TBC1D1: variants seen among roughly 807,000 people sequenced by gnomAD.
The protein encoded by TBC1D1 is TBC1 (tre-2/USP6, BUB2, cdc16) domain family, member 1.
A neutral mutation model predicts 125.6 loss-of-function variants in TBC1D1; 89 were observed. That is an observed-to-expected ratio of 0.71 (90% CI 0.60 to 0.85). The LOEUF is 0.85. Ranked by LOEUF, TBC1D1 falls within the 40% of genes least tolerant of loss-of-function variation. The pLI, the probability that TBC1D1 is intolerant of heterozygous loss-of-function variation, is 0.00. For synonymous variants in TBC1D1, 565 were observed against 564.1 expected, an observed-to-expected ratio of 1.00 and a Z score of -0.02; for missense variants, 1,377 against 1,469.2, an observed-to-expected ratio of 0.94 and a Z score of 1.03.
At chr4:37,962,776 A>G (rs2152334247) in intron 2 of TBC1D1, among the ~76,000 whole-genome samples, 1 of 152,320 alleles carries the variant, frequency 6.6e-6, no homozygotes, top group Non-Finnish European at 1.5e-5. Context: ...TACTATAAGG[A>G]TAATAAGAAG....
At chr4:38,110,380 A>G in intron 15 of TBC1D1, 1 of 985,358 alleles carries the variant, frequency 1.0e-6, no homozygotes, top group Non-Finnish European at 1.2e-6. Flanking sequence ...GATGATCCTA[A>G]TAGGATTCCT....
chr4:37,975,473 G>T (rs150209261), intron 2 of TBC1D1, among the ~76,000 whole-genome samples: 2,356 of 152,242 alleles, frequency 0.015, 66 homozygotes, highest in African/African-American at 0.053. Context: ...TCCACAAGAG[G>T]TGGAGTAGTA....
At chr4:37,902,560 T>G in intron 2 of TBC1D1, 48 bp downstream of exon 2, 1 of 1,437,846 alleles carries the variant, frequency 7.0e-7, no homozygotes, top group Non-Finnish European at 9.4e-7. Context: ...TGGCTGGTTT[T>G]TATTGTATGG....
chr4:38,064,912 A>C (rs904035199), intron 12 of TBC1D1, among the ~76,000 whole-genome samples: 2 of 148,636 alleles, frequency 1.3e-5, no homozygotes, highest in Admixed American at 6.7e-5. Flanking sequence ...GGCGTGAGCC[A>C]CCATGCCCAG....
chr4:38,095,100 G>A (rs1048540131), intron 13 of TBC1D1, among the ~76,000 whole-genome samples: 2 of 152,090 alleles, frequency 1.3e-5, no homozygotes, highest in Admixed American at 6.6e-5. Context: ...AACAGAGTAC[G>A]AGGGAAAAGA....
intron 2 of TBC1D1, among the ~76,000 whole-genome samples, chr4:37,905,346 T>C (rs1227817423): frequency 6.6e-6 from 1 of 152,258 alleles, no homozygotes; most frequent in African/African-American, 2.4e-5. Context: ...TCTAAAGAAC[T>C]GAGGGTCCTG....
intron 2 of TBC1D1, among the ~76,000 whole-genome samples, chr4:37,928,929 C>G (rs575073347): frequency 6.6e-6 from 1 of 152,282 alleles, no homozygotes; most frequent in East Asian, 1.9e-4. Flanking sequence ...CTCGGCAGTG[C>G]TGAAGATTCT....
In TBC1D1 at chr4:38,137,189, A is replaced by G. The variant is rs1481176197; in HGVS notation, c.3361A>G (p.Ser1121Gly). 2 of 1,613,204 alleles carry G rather than the reference A, an allele frequency of 1.2e-6. No homozygotes were observed. Among genetic ancestry groups the G allele is most frequent in the African/African-American group, 2.7e-5 (2 of 74,892 alleles). ...GGCCACCATTGAGAAGCTCCTGAGCAGTGAGAGCAAGCTGAAGCAGGCCAT... is the reference window on the plus strand; with the variant it reads ...GGCCACCATTGAGAAGCTCCTGAGCGGTGAGAGCAAGCTGAAGCAGGCCAT... The change falls in exon 20 of 20, where the codon AGT becomes GGT. Residue 1121 changes from serine (S) to glycine (G), a missense_variant. Physicochemically the swap from Ser to Gly is moderately conservative, Grantham distance 56 (BLOSUM62 0). Coordinates refer to ENST00000261439, the MANE Select transcript of TBC1D1 (RefSeq NM_015173.4).
rs993361258 is a variant in TBC1D1, at chr4:38,138,365, G to C, written c.*1030G>C. On this transcript the variant is annotated 3_prime_UTR_variant, in exon 20 of 20. Coordinates refer to ENST00000261439, the MANE Select transcript of TBC1D1 (RefSeq NM_015173.4). ...CTGTTGTGTGATGTAATGCAATCAT[G>C]TTCCTTTGAGTCTCCATCCCTTGGA... The C allele has an allele frequency of 1.3e-5, 2 of 152,342 alleles. No individual in the cohort carries two copies. The highest frequency in any genetic ancestry group is 2.9e-5 in the Non-Finnish European group (2 of 68,022). 9.4% of individuals were successfully genotyped at this position (152,342 alleles called of 1,614,324 possible). A position where few individuals can be genotyped will look rare whatever the true frequency, so the allele number is the denominator to read the frequency against.
At chr4:38,054,856 T>TC (rs1420641468) in intron 12 of TBC1D1, 2 of 155,330 alleles carry the variant, frequency 1.3e-5, no homozygotes, top group Admixed American at 6.2e-5. Context: ...CTCTGATTCT[T>TC]CCCTTGGGGT....
intron 7 of TBC1D1, among the ~76,000 whole-genome samples, chr4:38,032,868 A>C (rs1307557106): frequency 2.0e-5 from 3 of 151,878 alleles, no homozygotes; most frequent in Non-Finnish European, 4.4e-5. Flanking sequence ...GAAAGAAAGA[A>C]TTAATGATTT....
At chr4:38,079,044 G>A (rs1350625706) in intron 12 of TBC1D1, among the ~76,000 whole-genome samples, 1 of 152,184 alleles carries the variant, frequency 6.6e-6, no homozygotes, top group Non-Finnish European at 1.5e-5. Flanking sequence ...TTTCTCAGCA[G>A]GGTGTGACAG....
chr4:38,013,923 T>C (rs549558448), intron 2 of TBC1D1, among the ~76,000 whole-genome samples: 3 of 152,350 alleles, frequency 2.0e-5, no homozygotes, highest in East Asian at 1.9e-4. Context: ...CTAGGAAATA[T>C]AGGACTGAGT....
At chr4:38,012,910 C>T (rs1741817056) in intron 2 of TBC1D1, among the ~76,000 whole-genome samples, 1 of 152,094 alleles carries the variant, frequency 6.6e-6, no homozygotes. Context: ...TCTCCTGCCT[C>T]GGCCTCCCAA....
chr4:38,059,452 G>A (rs1239875954), intron 12 of TBC1D1, among the ~76,000 whole-genome samples: 1 of 152,236 alleles, frequency 6.6e-6, no homozygotes, highest in Non-Finnish European at 1.5e-5. Flanking sequence ...AATAAAAATA[G>A]ATCGTGAAAT....
intron 2 of TBC1D1, chr4:37,952,155 G>A (rs952258596): frequency 2.8e-6 from 2 of 707,864 alleles, no homozygotes; most frequent in Admixed American, 2.0e-5. Flanking sequence ...GCAGCTTCTA[G>A]TTCATCCCAG....
intron 2 of TBC1D1, among the ~76,000 whole-genome samples, chr4:37,988,031 T>A (rs1462392753): frequency 6.6e-6 from 1 of 152,212 alleles, no homozygotes; most frequent in African/African-American, 2.4e-5. Context: ...TGTTTAGCCT[T>A]GGCTAGGCGA....
intron 2 of TBC1D1, among the ~76,000 whole-genome samples, chr4:37,962,664 A>T (rs1730281343): frequency 1.3e-5 from 2 of 152,232 alleles, no homozygotes; most frequent in African/African-American, 4.8e-5. Context: ...ACCTGTAAAT[A>T]AAGAGGTTTA....
At chr4:38,039,154 G>C (rs1230196979) in intron 8 of TBC1D1, among the ~76,000 whole-genome samples, 2 of 100,088 alleles carry the variant, frequency 2.0e-5, no homozygotes, top group Non-Finnish European at 3.7e-5. Flanking sequence ...GTCTCACTCT[G>C]TCACCCAGGC....
Sources: gnomAD v4.1 joint callset for allele counts (sites outside exome capture counted in the v4.1 genomes callset) on GRCh38, gnomAD v4.1.1 for gene constraint, MANE v1.5 for transcripts, NCBI Gene and HGNC (gene_info 2026-07-23, HGNC 2026-07-21) for gene names.